Variants in KCNH5 observed in about 807,000 individuals in gnomAD.
The protein encoded by KCNH5 is potassium voltage-gated channel subfamily H member 5.
Under a neutral mutation model 96.1 loss-of-function variants are expected in KCNH5, and 46 were observed. The ratio of observed to expected loss-of-function variants is 0.48; its 90% CI spans 0.38 to 0.61. KCNH5 has a LOEUF of 0.61. Ranked by LOEUF, KCNH5 falls within the 20% of genes least tolerant of loss-of-function variation. The pLI is 0.00. For missense variants in KCNH5, 907 were observed against 1,225.8 expected (o/e 0.74, Z 3.88); for synonymous variants, 439 against 449.8 (o/e 0.98, Z 0.30).
At chr14:62,713,743 T>C (rs115206183) in intron 10 of KCNH5, among the ~76,000 whole-genome samples, 352 of 152,272 alleles carry the variant, frequency 2.3e-3, no homozygotes, top group African/African-American at 8.0e-3. Context: ...TGTACAAATA[T>C]AACAAATAAA....
At chr14:62,838,731 T>C (rs866476361) in intron 8 of KCNH5, among the ~76,000 whole-genome samples, 1 of 152,152 alleles carries the variant, frequency 6.6e-6, no homozygotes, top group Non-Finnish European at 1.5e-5. Context: ...AAATCCAAGT[T>C]TCCCTGTGTG....
At chr14:62,917,869 T>C (rs1789169676) in intron 7 of KCNH5, among the ~76,000 whole-genome samples, 1 of 152,212 alleles carries the variant, frequency 6.6e-6, no homozygotes, top group Non-Finnish European at 1.5e-5. Context: ...TGGAATCCGA[T>C]TACTCCAAGA....
At chr14:62,818,913 G>A (rs775485767) in intron 8 of KCNH5, among the ~76,000 whole-genome samples, 14 of 151,956 alleles carry the variant, frequency 9.2e-5, no homozygotes, top group Non-Finnish European at 1.6e-4. Flanking sequence ...ATAATGAATC[G>A]GTAAATAAGA....
rs895016596 is a variant in KCNH5, at chr14:62,762,705, AAAACAAAC to A, written c.2019+17015_2019+17022del. ...GGAGAAAAATCTAACAAGCAAATGG[AAAACAAAC>A]AAACAAACAAACACAGAGGTGGCTA... On this transcript the variant is annotated intron_variant, in intron 10 of 10. Coordinates refer to ENST00000322893, the MANE Select transcript of KCNH5 (RefSeq NM_139318.5). 2.0e-5 allele frequency among the ~76,000 whole-genome samples: 3 copies of A among 152,286 alleles called. No homozygotes were observed. The East Asian group carries it at 5.8e-4, about 29-fold the overall frequency.
chr14:62,955,028 A>G (rs1290862563), intron 6 of KCNH5, among the ~76,000 whole-genome samples: 1 of 151,952 alleles, frequency 6.6e-6, no homozygotes, highest in Non-Finnish European at 1.5e-5. Context: ...CAGCCAAACC[A>G]TATCACTAGG....
chr14:62,938,183 C>G (rs781550178), intron 7 of KCNH5, among the ~76,000 whole-genome samples: 6 of 152,062 alleles, frequency 3.9e-5, no homozygotes, highest in South Asian at 2.1e-4. Context: ...AAAATAAGCT[C>G]AACTTTAAAG....
chr14:62,773,544 T>C (rs1376438125), intron 10 of KCNH5, among the ~76,000 whole-genome samples: 1 of 152,222 alleles, frequency 6.6e-6, no homozygotes, highest in Non-Finnish European at 1.5e-5. Flanking sequence ...GCTGGATGGA[T>C]GCATGGCTAT....
intron 9 of KCNH5, among the ~76,000 whole-genome samples, chr14:62,783,589 T>G (rs1007108083): frequency 2.0e-5 from 3 of 152,200 alleles, no homozygotes; most frequent in African/African-American, 7.2e-5. Context: ...TATGGTACAC[T>G]TAAGAATAAT....
At chr14:62,892,748 C>A (rs1002280467) in intron 7 of KCNH5, among the ~76,000 whole-genome samples, 6 of 152,280 alleles carry the variant, frequency 3.9e-5, no homozygotes, top group Admixed American at 3.9e-4. Context: ...TATGCGAAAT[C>A]TACTCTACCT....
At chr14:62,889,454 T>C (rs982793773) in intron 7 of KCNH5, among the ~76,000 whole-genome samples, 11 of 152,162 alleles carry the variant, frequency 7.2e-5, no homozygotes, top group African/African-American at 2.7e-4. Flanking sequence ...CAAAGCCACA[T>C]GGCAGGAAGC....
intron 10 of KCNH5, among the ~76,000 whole-genome samples, chr14:62,767,412 T>C (rs1885883718): frequency 1.3e-5 from 2 of 152,072 alleles, no homozygotes; most frequent in South Asian, 4.1e-4. Flanking sequence ...AGTAAAGACA[T>C]GAAATCAACC....
intron 5 of KCNH5, among the ~76,000 whole-genome samples, chr14:62,984,282 A>G (rs959147396): frequency 6.6e-6 from 1 of 152,174 alleles, no homozygotes; most frequent in Non-Finnish European, 1.5e-5. Flanking sequence ...CAGGGCGTAT[A>G]TATTTATCTC....
At chr14:62,910,389 GA>G (rs1385830645) in intron 7 of KCNH5, among the ~76,000 whole-genome samples, 2 of 151,540 alleles carry the variant, frequency 1.3e-5, no homozygotes, top group African/African-American at 4.9e-5. Context: ...ACAAGACAAG[GA>G]AAAAAATATT....
At chr14:62,838,151 T>C (rs899275187) in intron 8 of KCNH5, among the ~76,000 whole-genome samples, 1 of 152,154 alleles carries the variant, frequency 6.6e-6, no homozygotes, top group Non-Finnish European at 1.5e-5. Flanking sequence ...TTTTCAACCT[T>C]AAAAATCTTG....
intron 10 of KCNH5, among the ~76,000 whole-genome samples, chr14:62,709,279 C>G (rs1884519350): frequency 7.1e-6 from 1 of 140,908 alleles, no homozygotes; most frequent in South Asian, 2.5e-4. Context: ...GTTTGGGTAT[C>G]AGATAGTAAG....
intron 6 of KCNH5, among the ~76,000 whole-genome samples, chr14:62,954,636 C>A (rs185038078): frequency 5.3e-4 from 81 of 152,184 alleles, no homozygotes; most frequent in African/African-American, 1.8e-3. Flanking sequence ...TCATTGAGTA[C>A]AAAAGAGAAA....
intron 8 of KCNH5, among the ~76,000 whole-genome samples, chr14:62,822,323 G>A (rs1183639475): frequency 2.6e-5 from 4 of 152,042 alleles, no homozygotes; most frequent in Non-Finnish European, 5.9e-5. Flanking sequence ...TAAGACCACT[G>A]AAAAACGATT....
intron 5 of KCNH5, among the ~76,000 whole-genome samples, chr14:62,983,176 T>C (rs141664038): frequency 6.6e-6 from 1 of 152,148 alleles, no homozygotes; most frequent in African/African-American, 2.4e-5. Context: ...CCTTTGTGCC[T>C]TCCTAGACTC....
intron 10 of KCNH5, among the ~76,000 whole-genome samples, chr14:62,718,106 G>A (rs531347943): frequency 3.3e-5 from 5 of 152,116 alleles, no homozygotes; most frequent in Admixed American, 2.0e-4. Context: ...CAGACACTGG[G>A]GACTCTAAAA....
Sources: allele counts gnomAD v4.1 joint callset (sites outside exome capture counted in the v4.1 genomes callset), GRCh38; gene constraint gnomAD v4.1.1; transcripts MANE v1.5; gene names NCBI Gene and HGNC (gene_info 2026-07-23, HGNC 2026-07-21).